The following KDM5B variants were observed in gnomAD, a reference collection of about 807,000 sequenced individuals.
KDM5B encodes the protein lysine demethylase 5B, also known as lysine-specific demethylase 5B.
Under a neutral mutation model 193.4 loss-of-function variants are expected in KDM5B, and 144 were observed. The observed-to-expected ratio is 0.74, with a 90% confidence interval of 0.65 to 0.86. The LOEUF is 0.86. Ranked by LOEUF, KDM5B falls within the 40% of genes least tolerant of loss-of-function variation. KDM5B has a pLI of 0.00. For missense variants in KDM5B, 1,833 were observed against 1,886.9 expected (o/e 0.97, Z 0.53); for synonymous variants, 668 against 682.6 (o/e 0.98, Z 0.33).
chr1:202,735,228 G>A (rs998685586), intron 22 of KDM5B, among the ~76,000 whole-genome samples: 1 of 152,140 alleles, frequency 6.6e-6, no homozygotes, highest in Non-Finnish European at 1.5e-5. Flanking sequence ...AGACTGGGAA[G>A]CCTACCCTGA....
rs1373343733 is a variant in KDM5B, at chr1:202,728,153, CA to C, written c.*882del. On this transcript the variant is annotated 3_prime_UTR_variant, in exon 27 of 27. Transcript: ENST00000367265. ...TTCTGGCTGTGCAACAGTAGAGGGG[CA>C]GAAGAAGCTGTGCTCTAATGGCTCT... The C allele has an allele frequency of 6.6e-6, 1 of 152,212 alleles. No homozygotes were observed. Among genetic ancestry groups the C allele is most frequent in the Non-Finnish European group, 1.5e-5 (1 of 68,036 alleles). 9.4% of individuals were successfully genotyped at this position (152,212 alleles called of 1,614,324 possible).
chr1:202,742,629 A>C lies in KDM5B; in HGVS notation c.2474+26T>G. Reference sequence around the variant, plus strand: ...TCCAAACATAGGTGCCAAAGAATCCAAACTCACGCAGTCAGAAGCGCATAC... The same window carrying C: ...TCCAAACATAGGTGCCAAAGAATCCCAACTCACGCAGTCAGAAGCGCATAC... On this transcript the variant is annotated intron_variant, in intron 17 of 26. Transcript: ENST00000367265. The C allele has an allele frequency of 1.9e-6, 3 of 1,612,030 alleles. No homozygotes were observed. In the South Asian group the frequency reaches 3.3e-5, roughly 18 times the overall value.
chr1:202,759,639 G>A (rs1656162556), intron 8 of KDM5B, among the ~76,000 whole-genome samples: 1 of 151,270 alleles, frequency 6.6e-6, no homozygotes. Flanking sequence ...AAAAACATCA[G>A]TAATCACAGT....
chr1:202,786,612 CTAA>C (rs1657424740), intron 1 of KDM5B, among the ~76,000 whole-genome samples: 1 of 152,174 alleles, frequency 6.6e-6, no homozygotes, highest in Non-Finnish European at 1.5e-5. Flanking sequence ...TTGCACCAAC[CTAA>C]TACCATGCCA....
intron 1 of KDM5B, among the ~76,000 whole-genome samples, chr1:202,788,610 C>G (rs1466371011): frequency 1.3e-5 from 2 of 151,896 alleles, no homozygotes; most frequent in African/African-American, 4.8e-5. Context: ...GTCCTCTAAA[C>G]AGGAAAGCAT....
intron 15 of KDM5B, 71 bp downstream of exon 15, chr1:202,746,071 T>C (rs1452384748): frequency 1.9e-6 from 3 of 1,581,594 alleles, no homozygotes; most frequent in African/African-American, 2.7e-5. Context: ...GCCCTAGAAC[T>C]GCGGTATCAT....
At chr1:202,748,781 T>C (rs1458904768) in intron 14 of KDM5B, among the ~76,000 whole-genome samples, 164 bp downstream of exon 14, 1 of 152,108 alleles carries the variant, frequency 6.6e-6, no homozygotes, top group African/African-American at 2.4e-5. Flanking sequence ...GCAAATAAGA[T>C]AGTGAATAAA....
At position 202,740,799 on chromosome 1, in the gene KDM5B, ATGAAT is replaced by A. The variant is rs1655306395; in HGVS notation, c.2954_2958del (p.His985LeufsTer3). 1 of 1,611,162 alleles carries A rather than the reference ATGAAT, an allele frequency of 6.2e-7. No homozygotes were observed. The highest frequency in any genetic ancestry group is 8.5e-7 in the Non-Finnish European group (1 of 1,178,888). ...TTTACTGCCGTAGCAAGGCTATTCAATGAATGTCGTGGCCTACAAAATGCAAACAA... is the reference window on the plus strand; with the variant it reads ...TTTACTGCCGTAGCAAGGCTATTCAAGTCGTGGCCTACAAAATGCAAACAA... On this transcript the variant is annotated frameshift_variant, in exon 20 of 27. Coordinates refer to ENST00000367265, the MANE Select transcript of KDM5B (RefSeq NM_006618.5). LOFTEE classifies it high-confidence loss of function.
intron 16 of KDM5B, among the ~76,000 whole-genome samples, chr1:202,743,356 A>G (rs1213245555): frequency 2.0e-5 from 3 of 151,360 alleles, no homozygotes; most frequent in Non-Finnish European, 2.9e-5. Flanking sequence ...AAAAAAAAAA[A>G]AAAAAAAACA....
At chr1:202,746,494 A>T (rs1369898109) in intron 14 of KDM5B, 171 bp from the exon 15 acceptor site, 1 of 513,712 alleles carries the variant, frequency 1.9e-6, no homozygotes, top group Non-Finnish European at 3.4e-6. Context: ...TAGCAAATAC[A>T]GGCAAGTTCA....
chr1:202,732,178 T>C (rs1654913014), intron 23 of KDM5B: 4 of 455,522 alleles, frequency 8.8e-6, no homozygotes, highest in South Asian at 5.1e-5. Flanking sequence ...ATTTCAGAGA[T>C]GTAAAGAAGG....
chr1:202,789,768 C>A (rs1487897773), intron 1 of KDM5B, among the ~76,000 whole-genome samples: 1 of 151,278 alleles, frequency 6.6e-6, no homozygotes, highest in African/African-American at 2.4e-5. Flanking sequence ...AGAGAGAGAG[C>A]AAGAGAAGCA....
At chr1:202,755,568 G>C in intron 10 of KDM5B, 116 bp from the exon 11 acceptor site, 3 of 812,278 alleles carry the variant, frequency 3.7e-6, no homozygotes, top group Non-Finnish European at 5.7e-6. Context: ...AAGAGGAGGG[G>C]CCACCATGCT....
At chr1:202,748,877 A>G in intron 14 of KDM5B, 68 bp downstream of exon 14, 1 of 1,273,636 alleles carries the variant, frequency 7.9e-7, no homozygotes, top group Non-Finnish European at 1.1e-6. Flanking sequence ...AAATGATATT[A>G]AAGTGCGTAA....
At position 202,740,721 on chromosome 1, in the gene KDM5B, A is replaced by C. The variant is rs1447195638; in HGVS notation, c.3037T>G (p.Ser1013Ala). 6.2e-7 allele frequency: 1 copy of C among 1,612,930 alleles called. No homozygotes were observed. The highest frequency in any genetic ancestry group is 1.1e-5 in the South Asian group (1 of 91,030). The stretch of plus-strand genomic sequence containing the variant: ...AGCCAGTCTCTGGCTCTCTGCACTG[A>C]GTCTTTCAGAGCCGCACCATTGGGC... Reference protein sequence around the residue: ...YLPNGAALKDSVQRARDWLQD... With the variant: ...YLPNGAALKDAVQRARDWLQD... Residue 1013 changes from serine (S) to alanine (A), a missense_variant, in exon 20 of 27, where the codon TCA becomes GCA. Physicochemically the swap from Ser to Ala is moderately conservative, Grantham distance 99. Transcript: ENST00000367265.
intron 6 of KDM5B, among the ~76,000 whole-genome samples, chr1:202,763,445 A>G (rs1451988403): frequency 1.3e-5 from 2 of 152,218 alleles, no homozygotes; most frequent in Non-Finnish European, 2.9e-5. Flanking sequence ...AGATTACTGT[A>G]TTACTTTATA....
intron 2 of KDM5B, among the ~76,000 whole-genome samples, chr1:202,776,494 T>C (rs1025885145): frequency 2.6e-5 from 4 of 151,990 alleles, no homozygotes; most frequent in African/African-American, 4.8e-5. Context: ...CTGGGCAACA[T>C]AGGGAGACCT....
At chr1:202,760,131 T>A (rs183969965) in intron 8 of KDM5B, among the ~76,000 whole-genome samples, 1 of 151,990 alleles carries the variant, frequency 6.6e-6, no homozygotes, top group Non-Finnish European at 1.5e-5. Flanking sequence ...CTGGGCAACA[T>A]GGTGAAACCC....
At position 202,727,635 on chromosome 1, in the gene KDM5B, C is replaced by G. The variant is rs1272605049; in HGVS notation, c.*1401G>C. 1 of 152,494 alleles carries G rather than the reference C, an allele frequency of 6.6e-6. No individual in the cohort carries two copies. Among genetic ancestry groups the G allele is most frequent in the African/African-American group, 2.4e-5 (1 of 41,420 alleles). The allele number at this position is 152,494 out of a possible 1,614,324, so 9.4% of individuals were successfully genotyped here. A position where few individuals can be genotyped will look rare whatever the true frequency, so the allele number is the denominator to read the frequency against. On this transcript the variant is annotated 3_prime_UTR_variant, in exon 27 of 27. Transcript: ENST00000367265. ...AATGTCTTCTCCACTGCAGAACAGACCCCTTTAAAAAAGAAAAGCAAGGAA... is the reference window on the plus strand; with the variant it reads ...AATGTCTTCTCCACTGCAGAACAGAGCCCTTTAAAAAAGAAAAGCAAGGAA...
Sources: allele counts gnomAD v4.1 joint callset (sites outside exome capture counted in the v4.1 genomes callset), GRCh38; gene constraint gnomAD v4.1.1; transcripts MANE v1.5; gene names NCBI Gene and HGNC (gene_info 2026-07-23, HGNC 2026-07-21).